The following FAM151A variants were observed in gnomAD, a reference collection of about 807,000 sequenced individuals.
FAM151A encodes protein FAM151A.
In FAM151A, 41 loss-of-function variants were observed where a neutral mutation model predicts 40.4. The ratio of observed to expected loss-of-function variants is 1.01; its 90% CI spans 0.79 to 1.32. The LOEUF (loss-of-function observed/expected upper bound fraction) is 1.32, where lower values mean the gene tolerates loss of function less well. Ranked by LOEUF, FAM151A falls within the 40% of genes most tolerant of loss-of-function variation. The pLI is 0.00. For missense variants in FAM151A, 740 were observed against 740.4 expected (o/e 1.00, Z 0.01); for synonymous variants, 337 against 312.5 (o/e 1.08, Z -0.83).
At chr1:54,614,459 A>G (rs768474831) in intron 4 of FAM151A, among the ~76,000 whole-genome samples, 11 of 152,190 alleles carry the variant, frequency 7.2e-5, no homozygotes, top group Non-Finnish European at 1.2e-4. Context: ...GCCCAGAGGA[A>G]GTCCTGCAGT....
chr1:54,621,559 T>C (rs1450886627), intron 1 of FAM151A: 1 of 152,238 alleles, frequency 6.6e-6, no homozygotes, highest in Non-Finnish European at 1.5e-5. Flanking sequence ...AAGGAGTTGC[T>C]GTGTGCTGAG....
In FAM151A at chr1:54,610,443, G is replaced by C; in HGVS notation, c.1053C>G (p.Gly351=). 1 of 1,613,652 alleles carries C rather than the reference G, an allele frequency of 6.2e-7. No individual in the cohort carries two copies. Among genetic ancestry groups the C allele is most frequent in the Middle Eastern group, 1.7e-4 (1 of 6,056 alleles). Residue 351 remains glycine (G), a synonymous_variant, in exon 7 of 8, where the codon GGC becomes GGG. Transcript: ENST00000302250. ...GGGTCATTGTTGCTGTTTTACCGCT[G>C]CCCTGGACGTCAGGAACCAGCCACT... ...NVEWLVPDVQ[G]SGKTATMTLP... is the part of the protein sequence containing the mutation.
At chr1:54,617,789 T>G (rs1644189405) in intron 2 of FAM151A, among the ~76,000 whole-genome samples, 1 of 137,530 alleles carries the variant, frequency 7.3e-6, no homozygotes, top group Non-Finnish European at 1.5e-5. Flanking sequence ...TGTGGCGTGA[T>G]CACGGCTCAC....
intron 2 of FAM151A, among the ~76,000 whole-genome samples, chr1:54,617,156 TCTTCTGATTCCTGCCTTCA>T (rs1314119621): frequency 7.9e-5 from 12 of 152,196 alleles, no homozygotes; most frequent in Non-Finnish European, 8.8e-5. Context: ...CAGGTGGACA[TCTTCTGATTCCTGCCTTCA>T]AGAATTCAGT....
chr1:54,622,275 C>CAA (rs34730286), intron 1 of FAM151A, among the ~76,000 whole-genome samples: 136 of 45,532 alleles, frequency 3.0e-3, no homozygotes, highest in East Asian at 4.7e-3. Context: ...GACTCTGTCT[C>CAA]AAAAAAAAAA....
chr1:54,614,445 A>G (rs569597990), intron 4 of FAM151A, among the ~76,000 whole-genome samples: 3 of 152,138 alleles, frequency 2.0e-5, no homozygotes, highest in South Asian at 4.1e-4. Context: ...GTAGGGGTTG[A>G]GGGGCCCAGA....
rs1376972956 is a variant in FAM151A, at chr1:54,611,592, A to G, written c.940+14T>C. 11 of 1,613,284 alleles carry G rather than the reference A, an allele frequency of 6.8e-6. No homozygotes were observed. Among genetic ancestry groups the G allele is most frequent in the Middle Eastern group, 1.7e-4 (1 of 6,058 alleles). On this transcript the variant is annotated intron_variant, in intron 6 of 7. Coordinates refer to ENST00000302250, the MANE Select transcript of FAM151A (RefSeq NM_176782.3). Reference sequence around the variant, plus strand: ...AATCCAGCCCACACCACCCTTCCCAATTCCTCTCCTTACAGGCCAGCTGCT... The same window carrying G: ...AATCCAGCCCACACCACCCTTCCCAGTTCCTCTCCTTACAGGCCAGCTGCT...
At chr1:54,611,167 C>T (rs1644113566) in intron 6 of FAM151A, 3 of 476,482 alleles carry the variant, frequency 6.3e-6, no homozygotes, top group African/African-American at 4.2e-5. Context: ...AGGCAGGTGG[C>T]TCATGCCTGT....
chr1:54,615,618 G>A (rs1334218628), intron 3 of FAM151A, among the ~76,000 whole-genome samples: 1 of 152,066 alleles, frequency 6.6e-6, no homozygotes, highest in Non-Finnish European at 1.5e-5. Flanking sequence ...GTTGCCGTGA[G>A]GATGAGGGAG....
chr1:54,611,558 T>C (rs747454916), intron 6 of FAM151A, 48 bp downstream of exon 6: 1 of 1,602,002 alleles, frequency 6.2e-7, no homozygotes, highest in Non-Finnish European at 8.5e-7. Flanking sequence ...CAGGTGCTGC[T>C]CCATGCAGAA....
In FAM151A at chr1:54,609,664, G is replaced by A. The variant is rs1158085092; in HGVS notation, c.1362C>T (p.Val454=). 6.2e-7 allele frequency: 1 copy of A among 1,613,986 alleles called. No homozygotes were observed. Among genetic ancestry groups the A allele is most frequent in the Admixed American group, 1.7e-5 (1 of 60,034 alleles). ...GAKISHGSFS[V]PGHVAGRELL... ...GCTCTCTGCCAGCCACATGGCCGGG[G>A]ACCGAAAAACTCCCGTGGGAGATTT... The change falls in exon 8 of 8, where the codon GTC becomes GTT. Residue 454 remains valine (V), a synonymous_variant. Coordinates refer to ENST00000302250, the MANE Select transcript of FAM151A (RefSeq NM_176782.3).
chr1:54,615,094 GGGGAGGAAACAGAGGCCAGGTAA>G (rs1644159185), intron 3 of FAM151A, among the ~76,000 whole-genome samples: 1 of 152,110 alleles, frequency 6.6e-6, no homozygotes, highest in African/African-American at 2.4e-5. Context: ...CATCTCCTGC[GGGGAGGAAACAGAGGCCAGGTAA>G]GGACTTGGGC....
At chr1:54,622,752 TTAACGGGACTTTCTGCTGGGGA>T (rs759133369) in intron 1 of FAM151A, among the ~76,000 whole-genome samples, 2,072 of 151,392 alleles carry the variant, frequency 0.014, 26 homozygotes, top group South Asian at 0.022. Flanking sequence ...AAAAAAATAG[TTAACGGGACTTTCTGCTGGGGA>T]AGTCAACGGG....
In FAM151A at chr1:54,609,731, G is replaced by A. The variant is rs767823797; in HGVS notation, c.1295C>T (p.Ser432Phe). The stretch of plus-strand genomic sequence containing the variant: ...AGGCCAATGCAAGAGGCCAAGGCTG[G>A]AGAGGCGTGCCAGCAAGGCCAGGGA... ...RPSLALLARL[S>F]SLGLLHWPVW... The change falls in exon 8 of 8, where the codon TCC (serine) becomes TTC (phenylalanine). Residue 432 changes from serine (S) to phenylalanine (F), a missense_variant. Ser to Phe is a radical substitution (Grantham distance 155). Coordinates refer to ENST00000302250, the MANE Select transcript of FAM151A (RefSeq NM_176782.3). 1 of 1,614,174 alleles carries A rather than the reference G, an allele frequency of 6.2e-7. No homozygotes were observed. Among genetic ancestry groups the A allele is most frequent in the Non-Finnish European group, 8.5e-7 (1 of 1,180,028 alleles).
intron 3 of FAM151A, among the ~76,000 whole-genome samples, chr1:54,615,392 C>T (rs1644162186): frequency 6.6e-6 from 1 of 151,998 alleles, no homozygotes; most frequent in Non-Finnish European, 1.5e-5. Context: ...CAATGGGGAG[C>T]CACGGAGGGT....
chr1:54,614,962 G>GTGCA, intron 3 of FAM151A, 103 bp from the exon 4 acceptor site: 12 of 1,164,686 alleles, frequency 1.0e-5, no homozygotes, highest in Admixed American at 2.2e-5. Context: ...GTGCATGTGC[G>GTGCA]TGCACAGTGG....
chr1:54,610,494 C>G lies in FAM151A; in HGVS notation c.1002G>C (p.Leu334=). 2.5e-6 allele frequency: 4 copies of G among 1,603,564 alleles called. No homozygotes were observed. Among genetic ancestry groups the G allele is most frequent in the Non-Finnish European group, 3.4e-6 (4 of 1,173,950 alleles). The change falls in exon 7 of 8, where the codon CTG becomes CTC. Residue 334 remains leucine (L), a synonymous_variant. Coordinates refer to ENST00000302250, the MANE Select transcript of FAM151A (RefSeq NM_176782.3). ...CCACATTCAGACCGTCATCCCCAGGCAGCTGGAGAAGAGGGATCAGGCTGC... is the reference window on the plus strand; with the variant it reads ...CCACATTCAGACCGTCATCCCCAGGGAGCTGGAGAAGAGGGATCAGGCTGC... The part of the protein sequence containing the change: ...TGGSLIPLLQ[L]PGDDGLNVEW...
chr1:54,621,371 T>G (rs1323764334), intron 1 of FAM151A: 1 of 151,972 alleles, frequency 6.6e-6, no homozygotes, highest in Non-Finnish European at 1.5e-5. Flanking sequence ...GCAAAAGAAT[T>G]GCTTGAACCT....
chr1:54,611,543 C>A (rs1461079121), intron 6 of FAM151A, 63 bp downstream of exon 6: 1 of 1,563,532 alleles, frequency 6.4e-7, no homozygotes, highest in Non-Finnish European at 8.8e-7. Flanking sequence ...TGCTCCAGTG[C>A]CCACCAGGTG....
Sources: allele counts gnomAD v4.1 joint callset (sites outside exome capture counted in the v4.1 genomes callset), GRCh38; gene constraint gnomAD v4.1.1; transcripts MANE v1.5; gene names NCBI Gene and HGNC (gene_info 2026-07-23, HGNC 2026-07-21).